Variants in NSUN6 observed in about 807,000 individuals in gnomAD.
NSUN6 encodes tRNA (cytosine(72)-C(5))-methyltransferase NSUN6.
Under a neutral mutation model 58.0 loss-of-function variants are expected in NSUN6, and 64 were observed. That is an observed-to-expected ratio of 1.10 (90% CI 0.90 to 1.36). NSUN6 has a LOEUF of 1.36. NSUN6 is among the 40% of genes most tolerant of loss of function. The pLI is 0.00. For synonymous variants in NSUN6, 231 were observed against 193.9 expected (o/e 1.19, Z -1.59); for missense variants, 701 against 550.1 (o/e 1.27, Z -2.74).
At chr10:18,597,804 A>G (rs1004195599) in intron 6 of NSUN6, among the ~76,000 whole-genome samples, 2 of 152,152 alleles carry the variant, frequency 1.3e-5, no homozygotes, top group African/African-American at 4.8e-5. Flanking sequence ...AAACATACAA[A>G]AAAACTGTGA....
chr10:18,618,513 T>C (rs2058490555), intron 3 of NSUN6, among the ~76,000 whole-genome samples: 1 of 151,698 alleles, frequency 6.6e-6, no homozygotes, highest in East Asian at 1.9e-4. Flanking sequence ...GAAATCCCCG[T>C]CTCTACTAAA....
At chr10:18,627,733 A>G (rs1024031586) in intron 3 of NSUN6, among the ~76,000 whole-genome samples, 5 of 152,234 alleles carry the variant, frequency 3.3e-5, no homozygotes, top group African/African-American at 1.2e-4. Context: ...CCAGGAGACT[A>G]TATCCCGCGG....
rs765573745 is a variant in NSUN6, at chr10:18,600,961, C to CAT, written c.658-4636_658-4635dup. On this transcript the variant is annotated intron_variant, in intron 6 of 10. Transcript: ENST00000377304. ...AAAAAAATATATATATATATATATACATATATATATATATATGTATATATA... is the reference window on the plus strand; with the variant it reads ...AAAAAAATATATATATATATATATACATATATATATATATATATGTATATATA... Among the ~76,000 whole-genome samples the CAT allele has an allele frequency of 5.3e-3, 255 of 47,720 alleles. 4 individuals are homozygous for CAT. Among genetic ancestry groups the CAT allele is most frequent in the African/African-American group, 0.013 (173 of 13,166 alleles). The allele number at this position is 47,720 out of a possible 152,430, so 31.3% of individuals were successfully genotyped here.
intron 7 of NSUN6, among the ~76,000 whole-genome samples, chr10:18,587,725 G>A (rs2057218923): frequency 6.6e-6 from 1 of 152,136 alleles, no homozygotes; most frequent in South Asian, 2.1e-4. Context: ...GAAGCTGTGA[G>A]GAACAAACTG....
intron 6 of NSUN6, among the ~76,000 whole-genome samples, chr10:18,607,016 C>G (rs975448165): frequency 2.6e-5 from 4 of 152,156 alleles, no homozygotes; most frequent in African/African-American, 9.7e-5. Context: ...AGCTTCTTAG[C>G]TGTTAGAGAA....
chr10:18,633,739 C>T (rs960135698), intron 3 of NSUN6, among the ~76,000 whole-genome samples: 57 of 152,180 alleles, frequency 3.7e-4, no homozygotes, highest in Non-Finnish European at 5.1e-4. Context: ...ACCAGACAAT[C>T]TGTTGTTTTC....
At chr10:18,584,140 G>A (rs1470393511) in intron 8 of NSUN6, among the ~76,000 whole-genome samples, 1 of 152,138 alleles carries the variant, frequency 6.6e-6, no homozygotes, top group Non-Finnish European at 1.5e-5. Context: ...CACTCTTGTG[G>A]GGAGTAGGGG....
chr10:18,548,668 G>A (rs1284644982), intron 9 of NSUN6, among the ~76,000 whole-genome samples: 2 of 151,974 alleles, frequency 1.3e-5, no homozygotes, highest in Non-Finnish European at 2.9e-5. Flanking sequence ...TACACTCCCG[G>A]GCTCAAGCAG....
chr10:18,574,718 A>C (rs1039233195), intron 8 of NSUN6, among the ~76,000 whole-genome samples: 2 of 152,144 alleles, frequency 1.3e-5, no homozygotes, highest in African/African-American at 4.8e-5. Context: ...TACCAATTCC[A>C]GGTATGCCTC....
intron 6 of NSUN6, among the ~76,000 whole-genome samples, chr10:18,596,704 G>A (rs1287996916): frequency 8.5e-5 from 13 of 152,116 alleles, no homozygotes; most frequent in Non-Finnish European, 1.5e-5. Flanking sequence ...TAAAATTGCA[G>A]GACCACTCTG....
At chr10:18,561,780 C>A (rs1468124486) in intron 8 of NSUN6, among the ~76,000 whole-genome samples, 1 of 139,580 alleles carries the variant, frequency 7.2e-6, no homozygotes, top group Non-Finnish European at 1.5e-5. Flanking sequence ...GAATGGAGAA[C>A]GGAATGGAGA....
chr10:18,613,751 C>A (rs768711690), intron 5 of NSUN6, among the ~76,000 whole-genome samples: 23 of 152,254 alleles, frequency 1.5e-4, no homozygotes, highest in Admixed American at 3.9e-4. Flanking sequence ...CAAACCCAAA[C>A]TGTTGCAACA....
At chr10:18,637,154 G>A (rs2059244831) in intron 3 of NSUN6, among the ~76,000 whole-genome samples, 1 of 151,832 alleles carries the variant, frequency 6.6e-6, no homozygotes, top group South Asian at 2.1e-4. Context: ...GTAGAGACAG[G>A]GTTTCACCAT....
intron 7 of NSUN6, among the ~76,000 whole-genome samples, chr10:18,588,367 G>A (rs866019848): frequency 1.4e-4 from 22 of 152,204 alleles, no homozygotes; most frequent in African/African-American, 4.3e-4. Flanking sequence ...TCCAGCCTGC[G>A]GGCTCTGAAG....
chr10:18,601,898 C>A (rs945462183), intron 6 of NSUN6, among the ~76,000 whole-genome samples: 1 of 150,378 alleles, frequency 6.6e-6, no homozygotes, highest in East Asian at 2.0e-4. Context: ...TGCTTCAACC[C>A]GGAGGCAGAG....
chr10:18,613,871 C>G (rs2058320932), intron 5 of NSUN6, among the ~76,000 whole-genome samples: 1 of 152,068 alleles, frequency 6.6e-6, no homozygotes, highest in Non-Finnish European at 1.5e-5. Flanking sequence ...GAGCTGTCCA[C>G]AGAACTCAAA....
chr10:18,631,567 A>G (rs1259316581), intron 3 of NSUN6, among the ~76,000 whole-genome samples: 3 of 132,878 alleles, frequency 2.3e-5, no homozygotes, highest in African/African-American at 8.6e-5. Context: ...CTCAGGATAC[A>G]AAATCAATGT....
At chr10:18,652,843 G>A (rs572425452), upstream of NSUN6, 1 of 942,666 alleles carries the variant, frequency 1.1e-6, no homozygotes, top group African/African-American at 1.8e-5. Context: ...ACAGGCGTGA[G>A]CCACCACGCC....
intron 5 of NSUN6, 80 bp from the exon 6 acceptor site, chr10:18,610,006 T>G: frequency 1.2e-6 from 1 of 839,270 alleles, no homozygotes; most frequent in Non-Finnish European, 2.0e-6. Context: ...CGTTCTCCAA[T>G]AGCCTGTCAA....
Sources: allele counts gnomAD v4.1 joint callset (sites outside exome capture counted in the v4.1 genomes callset), GRCh38; gene constraint gnomAD v4.1.1; transcripts MANE v1.5; gene names NCBI Gene and HGNC (gene_info 2026-07-23, HGNC 2026-07-21).